Variants in DSG3 observed in about 807,000 individuals in gnomAD.
The protein encoded by DSG3 is desmoglein-3.
In DSG3, 63 loss-of-function variants were observed where a neutral mutation model predicts 85.9. The ratio of observed to expected loss-of-function variants is 0.73; its 90% confidence interval spans 0.60 to 0.90. The LOEUF (loss-of-function observed/expected upper bound fraction) is 0.90, where lower values mean the gene tolerates loss of function less well. Ranked by LOEUF, DSG3 falls within the 40% of genes least tolerant of loss-of-function variation. DSG3 has a pLI of 0.00. For synonymous variants in DSG3, 447 were observed against 441.9 expected (o/e 1.01, Z -0.14); for missense variants, 1,220 against 1,219.9 (o/e 1.00, Z 0.00).
intron 8 of DSG3, among the ~76,000 whole-genome samples, chr18:31,462,067 T>C (rs1412699307): frequency 6.6e-6 from 1 of 151,666 alleles, no homozygotes; most frequent in Non-Finnish European, 1.5e-5. Context: ...TTGTGGTGTT[T>C]TTGTTTTTGT....
intron 11 of DSG3, among the ~76,000 whole-genome samples, chr18:31,468,836 T>C (rs1342188301): frequency 6.6e-6 from 1 of 152,162 alleles, no homozygotes; most frequent in Non-Finnish European, 1.5e-5. Flanking sequence ...TGAGTTGTTA[T>C]AAGGGTGAGT....
At position 31,476,881 on chromosome 18, in the gene DSG3, C is replaced by G. The variant is rs1361656093; in HGVS notation, c.*621C>G. 700 of 143,614 alleles carry G rather than the reference C, an allele frequency of 4.9e-3. No individual in the cohort carries two copies. The highest frequency in any genetic ancestry group is 6.3e-3 in the South Asian group (28 of 4,440). 8.9% of individuals were successfully genotyped at this position (143,614 alleles called of 1,614,324 possible). On this transcript the variant is annotated 3_prime_UTR_variant, in exon 16 of 16. Coordinates refer to ENST00000257189, the MANE Select transcript of DSG3 (RefSeq NM_001944.3). ...GGCTGAGGCAGGAGAATGGCATGAA[C>G]CCGGGAAGCGGAGCTTGCAGTGAGC...
At chr18:31,451,063 G>A (rs1424214031) in intron 1 of DSG3, among the ~76,000 whole-genome samples, 8 of 152,018 alleles carry the variant, frequency 5.3e-5, no homozygotes, top group Non-Finnish European at 1.0e-4. Flanking sequence ...GGGAATAACT[G>A]TCTACTATTG....
rs575402165 is a variant in DSG3, at chr18:31,472,265, T to C, written c.1898-19T>C. On this transcript the variant is annotated intron_variant, in intron 12 of 15. Transcript: ENST00000257189. ...TAAATTAGTCAAGTGTTCTGATGTTTTGTTTTGTTTTTCACTAGTGGCCCC... is the reference window on the plus strand; with the variant it reads ...TAAATTAGTCAAGTGTTCTGATGTTCTGTTTTGTTTTTCACTAGTGGCCCC... 1.9e-6 allele frequency: 3 copies of C among 1,613,924 alleles called. No homozygotes were observed. Among genetic ancestry groups the C allele is most frequent in the African/African-American group, 1.3e-5 (1 of 75,030 alleles).
In DSG3 at chr18:31,477,035, G is replaced by T. The variant is rs978774956; in HGVS notation, c.*775G>T. 2.0e-5 allele frequency: 3 copies of T among 151,294 alleles called. No individual in the cohort carries two copies. Among genetic ancestry groups the T allele is most frequent in the Non-Finnish European group, 2.9e-5 (2 of 67,876 alleles). 9.4% of individuals were successfully genotyped at this position (151,294 alleles called of 1,614,324 possible). On this transcript the variant is annotated 3_prime_UTR_variant, in exon 16 of 16. Coordinates refer to ENST00000257189, the MANE Select transcript of DSG3 (RefSeq NM_001944.3). The stretch of plus-strand genomic sequence containing the variant: ...TTTTGAGCTGCTTGGAAAAAGGGAA[G>T]TAGTTGCAGTAGAGTTTCTTCCATC...
rs772096848 is a variant in DSG3, at chr18:31,465,439, G to A, written c.1393G>A (p.Glu465Lys). The A allele has an allele frequency of 1.3e-6, 2 of 1,518,924 alleles. No individual in the cohort carries two copies. The highest frequency in any genetic ancestry group is 1.8e-6 in the Non-Finnish European group (2 of 1,136,000). 94.1% of individuals were successfully genotyped at this position (1,518,924 alleles called of 1,614,324 possible). ...TFIVNKTITA[E>K]VLAIDEYTGK... ...CATAGTTAACAAAACAATCACAGCT[G>A]AGGTTCTGGCCATAGATGGTAAGAA... is the stretch of plus-strand genomic sequence containing the variant. The change falls in exon 10 of 16, where the codon GAG (glutamate) becomes AAG (lysine). Residue 465 changes from glutamate (E) to lysine (K), a missense_variant. Glu to Lys is a moderately conservative substitution (Grantham distance 56). Coordinates refer to ENST00000257189, the MANE Select transcript of DSG3 (RefSeq NM_001944.3).
At chr18:31,465,578 G>C in intron 10 of DSG3, 121 bp downstream of exon 10, 2 of 965,470 alleles carry the variant, frequency 2.1e-6, no homozygotes, top group East Asian at 3.2e-5. Context: ...AATTATCTTA[G>C]GAGTGTTGGG....
At chr18:31,459,244 T>G (rs1007097450) in intron 5 of DSG3, 67 bp downstream of exon 5, 18 of 1,413,112 alleles carry the variant, frequency 1.3e-5, no homozygotes, top group Non-Finnish European at 1.7e-5. Flanking sequence ...CACTACAATA[T>G]GTCATTCTTA....
chr18:31,472,386 A>G lies in DSG3; in HGVS notation c.2000A>G (p.His667Arg), dbSNP rs574305228. ...PVPDGSEGTI[H>R]QWGIEGAHPE... is the part of the protein sequence containing the mutation. ...CCTGATGGCTCAGAAGGAACAATTC[A>G]TCAGTGGGGAATTGAAGGAGCCCAT... is the stretch of plus-strand genomic sequence containing the variant. Residue 667 changes from histidine to arginine, a missense_variant, in exon 13 of 16, where the codon CAT becomes CGT. Coordinates refer to ENST00000257189, the MANE Select transcript of DSG3 (RefSeq NM_001944.3). The G allele has an allele frequency of 1.2e-6, 2 of 1,614,080 alleles. No individual in the cohort carries two copies. Among genetic ancestry groups the G allele is most frequent in the Admixed American group, 1.7e-5 (1 of 60,010 alleles).
chr18:31,461,550 TC>T, intron 8 of DSG3, 138 bp downstream of exon 8: 2 of 843,616 alleles, frequency 2.4e-6, no homozygotes, highest in Non-Finnish European at 3.6e-6. Context: ...TTTTTTGTAA[TC>T]CCCATAGAGC....
chr18:31,473,953 A>G (rs1326667539), intron 14 of DSG3, among the ~76,000 whole-genome samples, 168 bp from the exon 15 acceptor site: 1 of 151,934 alleles, frequency 6.6e-6, no homozygotes, highest in African/African-American at 2.4e-5. Flanking sequence ...CTCCTTTGTG[A>G]CTCTCACATA....
chr18:31,450,486 G>A (rs930320615), intron 1 of DSG3, among the ~76,000 whole-genome samples: 1 of 152,190 alleles, frequency 6.6e-6, no homozygotes, highest in Non-Finnish European at 1.5e-5. Context: ...GTGGTCATGG[G>A]GGGGAAAAGC....
chr18:31,453,964 T>G (rs1000853556), intron 1 of DSG3, among the ~76,000 whole-genome samples: 2 of 152,048 alleles, frequency 1.3e-5, no homozygotes, highest in Non-Finnish European at 2.9e-5. Context: ...GTTTTTAAAA[T>G]GTCCAAAATT....
chr18:31,461,067 T>G (rs2072782165), intron 7 of DSG3, 106 bp downstream of exon 7: 12 of 1,295,828 alleles, frequency 9.3e-6, no homozygotes, highest in Non-Finnish European at 1.2e-5. Context: ...TTCTCTGCAC[T>G]TATCTTTAAA....
At chr18:31,465,601 G>C (rs1208991405) in intron 10 of DSG3, 144 bp downstream of exon 10, 1 of 762,262 alleles carries the variant, frequency 1.3e-6, no homozygotes. Context: ...TCAAGTTTGA[G>C]GCAGCTGAAT....
Position 31,459,969 on chromosome 18 carries a change from C to T in DSG3, c.642C>T (p.Asn214=), listed in dbSNP as rs756727096. ...AGTPMFLLSR[N]TGEVRTLTNS... is the part of the protein sequence containing the mutation. ...CACCCATGTTCCTCCTAAGCAGAAA[C>T]ACTGGGGAAGTCCGTACTTTGACCA... The change falls in exon 6 of 16, where the codon AAC becomes AAT. Residue 214 remains asparagine, a synonymous_variant. Coordinates refer to ENST00000257189, the MANE Select transcript of DSG3 (RefSeq NM_001944.3). 28 of 1,614,008 alleles carry T rather than the reference C, an allele frequency of 1.7e-5. 1 individual carries two copies. The highest frequency in any genetic ancestry group is 5.5e-5 in the South Asian group (5 of 91,054).
intron 8 of DSG3, 113 bp downstream of exon 8, chr18:31,461,525 T>A (rs1042638676): frequency 9.6e-7 from 1 of 1,044,894 alleles, no homozygotes; most frequent in Non-Finnish European, 1.4e-6. Flanking sequence ...AGAAAACACA[T>A]AAAAGTAGAT....
chr18:31,448,153 T>G (rs2072689978), intron 1 of DSG3, among the ~76,000 whole-genome samples: 1 of 152,192 alleles, frequency 6.6e-6, no homozygotes, highest in South Asian at 2.1e-4. Context: ...TAAAAACCAT[T>G]TAGAATTTTT....
rs113457225 is a variant in DSG3 at position 31,472,338 on chromosome 18, T to G, written c.1952T>G (p.Val651Gly). 10 of 1,613,832 alleles carry G rather than the reference T, an allele frequency of 6.2e-6. No individual in the cohort carries two copies. The African/African-American group carries it at 9.4e-5, about 15-fold the overall frequency. Residue 651 changes from valine (V) to glycine (G), a missense_variant, in exon 13 of 16, where the codon GTG (valine) becomes GGG (glycine). Val to Gly is a moderately radical substitution (Grantham distance 109). Coordinates refer to ENST00000257189, the MANE Select transcript of DSG3 (RefSeq NM_001944.3). ...TGTGGGGCAGGTTCTACTGGGGGAG[T>G]GACAGGTGGTTTTATCCCAGTTCCT... ...CDCGAGSTGG[V>G]TGGFIPVPDG...
Sources: allele counts gnomAD v4.1 joint callset (sites outside exome capture counted in the v4.1 genomes callset), GRCh38; gene constraint gnomAD v4.1.1; transcripts MANE v1.5; gene names NCBI Gene and HGNC (gene_info 2026-07-23, HGNC 2026-07-21).